Variants in ARFGAP3 observed in about 807,000 individuals in gnomAD.
The protein encoded by ARFGAP3 is ADP-ribosylation factor GTPase-activating protein 3.
A neutral mutation model predicts 75.0 loss-of-function variants in ARFGAP3; 72 were observed. The ratio of observed to expected loss-of-function variants is 0.96; its 90% CI spans 0.79 to 1.17. The LOEUF is 1.17. Ranked by LOEUF, ARFGAP3 falls within the 50% of genes most tolerant of loss-of-function variation. The pLI, the probability that ARFGAP3 is intolerant of heterozygous loss-of-function variation, is 0.00. For synonymous variants in ARFGAP3, 221 were observed against 217.9 expected, an observed-to-expected ratio of 1.01 and a Z score of -0.13; for missense variants, 620 against 626.6, an observed-to-expected ratio of 0.99 and a Z score of 0.11.
At position 42,841,090 on chromosome 22, in the gene ARFGAP3, A is replaced by G. The variant is rs1602125559; in HGVS notation, c.189-74T>C. On this transcript the variant is annotated intron_variant, in intron 2 of 15. Coordinates refer to ENST00000263245, the MANE Select transcript of ARFGAP3 (RefSeq NM_014570.5). ...GCAAAATCAGTGAGCTTTTGAGAAC[A>G]AGGTTTCCTTAGGCTTTAGGATCCT... 1.0e-5 allele frequency: 16 copies of G among 1,554,556 alleles called. No individual in the cohort carries two copies. In the East Asian group the frequency reaches 3.8e-4, roughly 37 times the overall value.
Position 42,853,470 on chromosome 22 carries a change from G to A in ARFGAP3, c.69+3644C>T, listed in dbSNP as rs118153639. 5.5e-3 allele frequency: 1,207 copies of A among 220,420 alleles called. 13 individuals are homozygous for A. The highest frequency in any genetic ancestry group is 0.026 in the East Asian group (234 of 9,170). The allele number at this position is 220,420 out of a possible 1,614,324, so 13.7% of individuals were successfully genotyped here. ...TCTGCTGGCCATCCTTGGGCTCTAG[G>A]AAGACCTCATCAAGGTGCCACCTCT... On this transcript the variant is annotated intron_variant, in intron 1 of 15. Transcript: ENST00000263245.
intron 1 of ARFGAP3, among the ~76,000 whole-genome samples, chr22:42,856,487 C>G (rs1341508376): frequency 6.6e-6 from 1 of 151,776 alleles, no homozygotes; most frequent in Non-Finnish European, 1.5e-5. Flanking sequence ...AGGGAGAGAA[C>G]AGCCTCTGGA....
At chr22:42,852,070 CTT>C (rs777750657) in intron 1 of ARFGAP3, among the ~76,000 whole-genome samples, 64 of 136,236 alleles carry the variant, frequency 4.7e-4, no homozygotes, top group Admixed American at 3.7e-4. Context: ...TCTTGAAATT[CTT>C]TTTTTTTTTT....
chr22:42,832,754 A>C (rs1389143025), intron 5 of ARFGAP3, among the ~76,000 whole-genome samples: 1 of 151,432 alleles, frequency 6.6e-6, no homozygotes, highest in African/African-American at 2.4e-5. Context: ...AGGAGGCCGA[A>C]GCAGGTGGAT....
At chr22:42,848,003 T>C (rs914280884) in intron 1 of ARFGAP3, among the ~76,000 whole-genome samples, 3 of 151,616 alleles carry the variant, frequency 2.0e-5, no homozygotes, top group African/African-American at 7.2e-5. Flanking sequence ...TAGCTGGGAC[T>C]ACAGGCTCAC....
intron 1 of ARFGAP3, 123 bp downstream of exon 1, chr22:42,856,991 A>G: frequency 1.0e-6 from 1 of 965,126 alleles, no homozygotes; most frequent in African/African-American, 1.8e-5. Context: ...GCGGCCCCAC[A>G]GTGCGACGTG....
intron 11 of ARFGAP3, among the ~76,000 whole-genome samples, chr22:42,815,864 G>A (rs1925556106): frequency 6.6e-6 from 1 of 152,224 alleles, no homozygotes; most frequent in African/African-American, 2.4e-5. Context: ...TGTAATCTCA[G>A]CACTTTGGGA....
chr22:42,829,493 G>A (rs145921109), intron 6 of ARFGAP3, among the ~76,000 whole-genome samples: 481 of 152,100 alleles, frequency 3.2e-3, no homozygotes, highest in Non-Finnish European at 4.5e-3. Context: ...AGTTAGAGGT[G>A]TATAAATGTC....
intron 12 of ARFGAP3, 121 bp downstream of exon 12, chr22:42,810,692 T>A: frequency 2.5e-6 from 2 of 812,474 alleles, no homozygotes; most frequent in Non-Finnish European, 4.0e-6. Context: ...GTGCTGGGAT[T>A]ATGGGAATGA....
At chr22:42,817,675 T>C (rs1303041051) in intron 10 of ARFGAP3, 54 bp downstream of exon 10, 1 of 1,410,128 alleles carries the variant, frequency 7.1e-7, no homozygotes, top group Non-Finnish European at 9.8e-7. Flanking sequence ...AAAAATCCAC[T>C]GATGATTGAC....
chr22:42,813,123 A>T (rs1925438945), intron 11 of ARFGAP3, among the ~76,000 whole-genome samples: 1 of 152,228 alleles, frequency 6.6e-6, no homozygotes, highest in East Asian at 1.9e-4. Context: ...GAATTTTAAA[A>T]CTACTTAATA....
At chr22:42,815,842 G>A (rs945912643) in intron 11 of ARFGAP3, among the ~76,000 whole-genome samples, 3 of 152,218 alleles carry the variant, frequency 2.0e-5, no homozygotes, top group Non-Finnish European at 4.4e-5. Context: ...GCTGGGCGTG[G>A]AGGCTCATGC....
At chr22:42,812,895 G>A (rs1014593655) in intron 11 of ARFGAP3, among the ~76,000 whole-genome samples, 32 of 152,342 alleles carry the variant, frequency 2.1e-4, no homozygotes, top group Non-Finnish European at 3.8e-4. Flanking sequence ...TCCCTATGGC[G>A]GATGAGTGGA....
chr22:42,798,228 C>T (rs962753927), intron 15 of ARFGAP3, among the ~76,000 whole-genome samples: 4 of 151,668 alleles, frequency 2.6e-5, no homozygotes, highest in Admixed American at 6.5e-5. Flanking sequence ...AGCATGAAAA[C>T]GGCTACATCC....
chr22:42,823,441 C>T (rs528645391), intron 8 of ARFGAP3, among the ~76,000 whole-genome samples: 7 of 151,898 alleles, frequency 4.6e-5, no homozygotes. Context: ...TTGTCATAGA[C>T]AGAAAAAATG....
intron 14 of ARFGAP3, among the ~76,000 whole-genome samples, chr22:42,802,400 C>T (rs148422812): frequency 0.032 from 4,793 of 151,570 alleles, 128 homozygotes; most frequent in Non-Finnish European, 0.046. Context: ...ATTCTCCTGC[C>T]TCAGCCTCTG....
chr22:42,834,526 A>ACTTCCTCAAGGTTT, intron 4 of ARFGAP3: 6 of 465,872 alleles, frequency 1.3e-5, no homozygotes, highest in Non-Finnish European at 1.7e-5. Context: ...CCAAACCTTG[A>ACTTCCTCAAGGTTT]GGAAGTCAAG....
intron 3 of ARFGAP3, among the ~76,000 whole-genome samples, chr22:42,837,696 T>TTTTTTTTTTTTTTTTTA (rs1926590111): frequency 7.0e-6 from 1 of 143,008 alleles, no homozygotes. Context: ...TTTTTTTTTT[T>TTTTTTTTTTTTTTTTTA]TGAGACGGTC....
At chr22:42,854,974 T>C (rs985368328) in intron 1 of ARFGAP3, among the ~76,000 whole-genome samples, 8 of 152,262 alleles carry the variant, frequency 5.3e-5, no homozygotes, top group Admixed American at 5.2e-4. Flanking sequence ...TTCACAGGTG[T>C]GTTCTTCATC....
Sources: gnomAD v4.1 joint callset for allele counts (sites outside exome capture counted in the v4.1 genomes callset) on GRCh38, gnomAD v4.1.1 for gene constraint, MANE v1.5 for transcripts, NCBI Gene and HGNC (gene_info 2026-07-23, HGNC 2026-07-21) for gene names.